The following PCLO variants were observed in gnomAD, a reference collection of about 807,000 sequenced individuals.
PCLO encodes the protein piccolo presynaptic cytomatrix protein.
Under a neutral mutation model 427.5 loss-of-function variants are expected in PCLO, and 82 were observed. The ratio of observed to expected loss-of-function variants is 0.19; its 90% CI spans 0.16 to 0.23. PCLO has a LOEUF of 0.23. Ranked by LOEUF, PCLO falls within the 10% of genes least tolerant of loss-of-function variation. The pLI is 1.00. For synonymous variants in PCLO, 2,357 were observed against 2,155.4 expected (o/e 1.09, Z -2.59); for missense variants, 6,239 against 6,115.9 (o/e 1.02, Z -0.67).
chr7:83,020,460 G>A (rs974167756), intron 3 of PCLO, among the ~76,000 whole-genome samples: 2 of 152,044 alleles, frequency 1.3e-5, no homozygotes, highest in African/African-American at 4.8e-5. Context: ...GAATGGGTTA[G>A]TGCCTTAGAA....
At chr7:83,045,813 A>C (rs1789090922) in intron 3 of PCLO, among the ~76,000 whole-genome samples, 1 of 152,148 alleles carries the variant, frequency 6.6e-6, no homozygotes, top group East Asian at 1.9e-4. Flanking sequence ...TCTCAGGAGG[A>C]ATATCACCAA....
intron 3 of PCLO, among the ~76,000 whole-genome samples, chr7:83,126,994 C>G (rs148312021): frequency 3.8e-4 from 58 of 151,988 alleles, no homozygotes; most frequent in African/African-American, 1.4e-3. Context: ...TTTTAAAACC[C>G]ATTTACCTGA....
chr7:82,855,754 T>C (rs771288967), intron 10 of PCLO, among the ~76,000 whole-genome samples: 38 of 152,120 alleles, frequency 2.5e-4, no homozygotes, highest in Middle Eastern at 3.4e-3. Flanking sequence ...TCCAGGGAGA[T>C]TGATGAAAAA....
intron 9 of PCLO, among the ~76,000 whole-genome samples, chr7:82,884,774 G>A (rs1200736289): frequency 2.6e-5 from 4 of 152,064 alleles, no homozygotes; most frequent in South Asian, 2.1e-4. Flanking sequence ...AGGCCAGGAC[G>A]TGGGGTGAGG....
intron 4 of PCLO, among the ~76,000 whole-genome samples, chr7:82,957,870 C>A (rs1412979147): frequency 6.6e-6 from 1 of 152,206 alleles, no homozygotes; most frequent in Non-Finnish European, 1.5e-5. Flanking sequence ...CCCTTAGCAA[C>A]ACACCACAAC....
chr7:83,147,256 T>C (rs1333436667), intron 2 of PCLO, among the ~76,000 whole-genome samples: 1 of 152,046 alleles, frequency 6.6e-6, no homozygotes, highest in East Asian at 1.9e-4. Flanking sequence ...TAAACGTAAT[T>C]AAATAATACA....
chr7:83,086,315 C>CCA (rs1790231444), intron 3 of PCLO, among the ~76,000 whole-genome samples: 1 of 151,914 alleles, frequency 6.6e-6, no homozygotes, highest in South Asian at 2.1e-4. Context: ...CACCATGTTG[C>CCA]CCAGGCTGGT....
intron 22 of PCLO, among the ~76,000 whole-genome samples, chr7:82,785,528 C>T (rs991458524): frequency 6.6e-5 from 10 of 152,204 alleles, no homozygotes; most frequent in Middle Eastern, 3.4e-3. Context: ...CACTATCTTC[C>T]CATCTCCCAA....
chr7:82,779,751 T>C (rs1447080061), intron 22 of PCLO, among the ~76,000 whole-genome samples: 3 of 150,540 alleles, frequency 2.0e-5, no homozygotes, highest in Non-Finnish European at 4.4e-5. Flanking sequence ...TCTTTCTTTT[T>C]TTTTTTTTTA....
In PCLO at chr7:82,953,552, A is replaced by G; in HGVS notation, c.7401T>C (p.Val2467=). 6.2e-7 allele frequency: 1 copy of G among 1,613,288 alleles called. No homozygotes were observed. The highest frequency in any genetic ancestry group is 8.5e-7 in the Non-Finnish European group (1 of 1,179,550). ...DAVTTLETTA[V]LRSNGLPVTR... The stretch of plus-strand genomic sequence containing the variant: ...TAACAGGTAATCCATTACTTCTCAG[A>G]ACAGCTGTGGTCTCTAGAGTAGTAA... Residue 2467 remains valine, a synonymous_variant, in exon 5 of 25, where the codon GTT becomes GTC. Coordinates refer to ENST00000333891, the MANE Select transcript of PCLO (RefSeq NM_033026.6).
intron 3 of PCLO, among the ~76,000 whole-genome samples, chr7:83,093,742 C>T (rs1189978050): frequency 6.7e-6 from 1 of 148,438 alleles, no homozygotes. Context: ...ATCCGCCAGC[C>T]TCGGCCTCCC....
At chr7:82,818,262 T>TG (rs939171264) in intron 20 of PCLO, among the ~76,000 whole-genome samples, 1 of 152,106 alleles carries the variant, frequency 6.6e-6, no homozygotes, top group Non-Finnish European at 1.5e-5. Flanking sequence ...ATAATTCTTG[T>TG]TTGACCCATA....
rs954523010 is a variant in PCLO at position 83,153,930 on chromosome 7, T to G, written c.1893+818A>C. 2.0e-5 allele frequency among the ~76,000 whole-genome samples: 3 copies of G among 152,156 alleles called. No homozygotes were observed. In the South Asian group the frequency reaches 6.2e-4, roughly 31 times the overall value. ...AAAAAACCTCTGAATCTCTACCTAT[T>G]AAAATGCTACATTATTCCAGGCCTT... On this transcript the variant is annotated intron_variant, in intron 2 of 24. Transcript: ENST00000333891.
At chr7:82,808,166 GA>G (rs1791495054) in intron 20 of PCLO, among the ~76,000 whole-genome samples, 1 of 151,742 alleles carries the variant, frequency 6.6e-6, no homozygotes, top group Non-Finnish European at 1.5e-5. Flanking sequence ...GTATGACATT[GA>G]ATGGAAGACA....
At chr7:83,109,974 T>C (rs965185833) in intron 3 of PCLO, among the ~76,000 whole-genome samples, 81 of 151,900 alleles carry the variant, frequency 5.3e-4, no homozygotes, top group African/African-American at 1.9e-3. Context: ...GAAATGTACA[T>C]TACATTGGGA....
intron 3 of PCLO, among the ~76,000 whole-genome samples, chr7:83,105,330 C>A (rs2116501021): frequency 6.6e-6 from 1 of 152,190 alleles, no homozygotes; most frequent in African/African-American, 2.4e-5. Context: ...ACACTTACAC[C>A]AGAAGCAAAG....
intron 3 of PCLO, among the ~76,000 whole-genome samples, chr7:83,008,640 G>A (rs973677100): frequency 2.0e-5 from 3 of 151,592 alleles, no homozygotes; most frequent in Non-Finnish European, 1.5e-5. Context: ...CTAAGAATAC[G>A]TAGCCAAGAG....
intron 3 of PCLO, among the ~76,000 whole-genome samples, chr7:83,020,955 T>C (rs948403690): frequency 1.3e-5 from 2 of 152,192 alleles, no homozygotes; most frequent in Non-Finnish European, 2.9e-5. Flanking sequence ...AACTGCTCTA[T>C]AGATAACAAC....
At chr7:82,993,564 G>A (rs1166136731) in intron 3 of PCLO, among the ~76,000 whole-genome samples, 2 of 151,942 alleles carry the variant, frequency 1.3e-5, no homozygotes, top group Non-Finnish European at 2.9e-5. Flanking sequence ...AGCAGCAAAT[G>A]AGACTTTTTT....
Sources: gnomAD v4.1 joint callset for allele counts (sites outside exome capture counted in the v4.1 genomes callset) on GRCh38, gnomAD v4.1.1 for gene constraint, MANE v1.5 for transcripts, NCBI Gene and HGNC (gene_info 2026-07-23, HGNC 2026-07-21) for gene names.